Variants in C15orf40 observed in about 807,000 individuals in gnomAD.
C15orf40 encodes the protein UPF0235 protein C15orf40.
In C15orf40, 9 loss-of-function variants were observed where a neutral mutation model predicts 13.9. The observed-to-expected ratio is 0.65, with a 90% confidence interval of 0.39 to 1.13. The LOEUF is 1.13. Among genes scored for constraint, C15orf40 ranks in the 50% most tolerant of loss-of-function variants. The probability of loss-of-function intolerance (pLI) is 0.01; values close to 1 mark genes in which losing one functional copy is unlikely to be tolerated. For synonymous variants in C15orf40, 95 were observed against 69.2 expected, an observed-to-expected ratio of 1.37 and a Z score of -1.85; for missense variants, 225 against 188.5, an observed-to-expected ratio of 1.19 and a Z score of -1.13.
At position 83,007,486 on chromosome 15, in the gene C15orf40, T is replaced by C. The variant is rs116141884; in HGVS notation, c.366+1062A>G. ...CATGAAGGAGACTAAATAGGAAGAA[T>C]TGACAGATTTATGCAATTAAGTAAA... On this transcript the variant is annotated intron_variant, in intron 3 of 3. Transcript: ENST00000304177. Among the ~76,000 whole-genome samples the C allele has an allele frequency of 4.0e-3, 613 of 152,298 alleles. 3 individuals are homozygous for C. Among genetic ancestry groups the C allele is most frequent in the African/African-American group, 0.01 (422 of 41,554 alleles).
In C15orf40 at chr15:83,008,562, C is replaced by A; in HGVS notation, c.352G>T (p.Val118Leu). ...GCGAGACCTACCTTATCCAAAACCA[C>A]ATCACTCTTCCTGAGTTCTAGGACC... ...SKVLELRKSD[V>L]VLDKGGKSRE... The change falls in exon 3 of 4, where the codon GTG becomes TTG. Residue 118 changes from valine to leucine, a missense_variant. Physicochemically the swap from Val to Leu is conservative, Grantham distance 32. Coordinates refer to ENST00000304177, the MANE Select transcript of C15orf40 (RefSeq NM_144597.3). 1 of 1,613,452 alleles carries A rather than the reference C, an allele frequency of 6.2e-7. No homozygotes were observed. The highest frequency in any genetic ancestry group is 8.5e-7 in the Non-Finnish European group (1 of 1,179,768).
In C15orf40 at chr15:83,004,774, G is replaced by C; in HGVS notation, c.*823C>G. On this transcript the variant is annotated 3_prime_UTR_variant, in exon 4 of 4. Transcript: ENST00000304177. The stretch of plus-strand genomic sequence containing the variant: ...TTTAAATAAGCATTTAAAAATCTAA[G>C]GTAAGACTACAAAGCAGCATAACAG... The C allele has an allele frequency of 1.9e-6, 2 of 1,047,690 alleles. No individual in the cohort carries two copies. The highest frequency in any genetic ancestry group is 2.7e-4 in the Middle Eastern group (1 of 3,700). The allele number at this position is 1,047,690 out of a possible 1,614,324, so 64.9% of individuals were successfully genotyped here.
At position 82,997,095 on chromosome 15, in the gene C15orf40, T is replaced by C. The variant is rs2031126155; in HGVS notation, c.*8502A>G. 2 of 149,910 alleles carry C rather than the reference T, an allele frequency of 1.3e-5. No individual in the cohort carries two copies. Among genetic ancestry groups the C allele is most frequent in the African/African-American group, 4.9e-5 (2 of 41,104 alleles). 9.3% of individuals were successfully genotyped at this position (149,910 alleles called of 1,614,324 possible). On this transcript the variant is annotated 3_prime_UTR_variant, in exon 4 of 4. Transcript: ENST00000304177. ...TATAGCTGTTATTTTCCTGTCTTTA[T>C]TCACTGTTCTCTATCTTGCCTTCTA...
chr15:82,990,751 T>G, downstream of C15orf40: 1 of 1,064,608 alleles, frequency 9.4e-7, no homozygotes, highest in Non-Finnish European at 1.4e-6. Context: ...ACTAAAGCTT[T>G]TTGCTAACAA....
downstream of C15orf40, chr15:82,990,543 CT>C (rs397854504): frequency 0.17 from 110,126 of 660,400 alleles, 1 homozygote; most frequent in East Asian, 0.19. Context: ...AAAACAATTG[CT>C]TTTTTTTTTT....
Position 83,005,664 on chromosome 15 carries a change from T to G in C15orf40, c.395A>C (p.Lys132Thr). The change falls in exon 4 of 4, where the codon AAG becomes ACG. Residue 132 changes from lysine to threonine, a missense_variant. Coordinates refer to ENST00000304177, the MANE Select transcript of C15orf40 (RefSeq NM_144597.3). Reference protein sequence around the residue: ...KGGKSREKVVKLLASTTPEEI... With the variant: ...KGGKSREKVVTLLASTTPEEI... ...TTCTGGAGTTGTAGAAGCCAAAAGCTTCACCACCTTTTCACGAGATTTACC... is the reference window on the plus strand; with the variant it reads ...TTCTGGAGTTGTAGAAGCCAAAAGCGTCACCACCTTTTCACGAGATTTACC... 1 of 1,612,700 alleles carries G rather than the reference T, an allele frequency of 6.2e-7. No homozygotes were observed. Among genetic ancestry groups the G allele is most frequent in the Middle Eastern group, 1.7e-4 (1 of 6,056 alleles).
At chr15:82,993,333 T>C (rs111369223), downstream of C15orf40, among the ~76,000 whole-genome samples, 7,124 of 152,270 alleles carry the variant, frequency 0.047, 235 homozygotes, top group Non-Finnish European at 0.071. Context: ...AAGCGTAGTG[T>C]TGACATAAAG....
intron 2 of C15orf40, among the ~76,000 whole-genome samples, chr15:83,009,784 T>C (rs1331272834): frequency 6.6e-6 from 1 of 152,212 alleles, no homozygotes; most frequent in African/African-American, 2.4e-5. Context: ...ACTGGACCCA[T>C]GAATGTTTTA....
intron 3 of C15orf40, among the ~76,000 whole-genome samples, 163 bp from the exon 4 acceptor site, chr15:83,005,855 T>C (rs1243503310): frequency 6.6e-6 from 1 of 152,222 alleles, no homozygotes; most frequent in Non-Finnish European, 1.5e-5. Context: ...TACCATTTGT[T>C]ACTAAACATT....
intron 3 of C15orf40, chr15:83,007,794 A>G: frequency 6.6e-6 from 1 of 152,448 alleles, no homozygotes; most frequent in Non-Finnish European, 1.5e-5. Flanking sequence ...GGGAGGCCTG[A>G]GGCTGAAGAA....
intron 2 of C15orf40, among the ~76,000 whole-genome samples, chr15:83,009,575 T>G (rs534007318): frequency 6.6e-5 from 10 of 152,324 alleles, no homozygotes; most frequent in African/African-American, 2.2e-4. Context: ...TTTTTGAACT[T>G]TTTTTCCTTT....
rs2031392198 is a variant in C15orf40 at position 83,000,947 on chromosome 15, G to C, written c.*4650C>G. ...CAGGCCTCAGCCTCCCAAGTAGCTGGGACTACAGGCATGCATTGCCATGCC... is the reference window on the plus strand; with the variant it reads ...CAGGCCTCAGCCTCCCAAGTAGCTGCGACTACAGGCATGCATTGCCATGCC... On this transcript the variant is annotated 3_prime_UTR_variant, in exon 4 of 4. Coordinates refer to ENST00000304177, the MANE Select transcript of C15orf40 (RefSeq NM_144597.3). The C allele has an allele frequency of 4.5e-6, 1 of 220,798 alleles. No individual in the cohort carries two copies. Among genetic ancestry groups the C allele is most frequent in the Admixed American group, 6.5e-5 (1 of 15,352 alleles). The allele number at this position is 220,798 out of a possible 1,614,324, so 13.7% of individuals were successfully genotyped here.
chr15:83,010,982 G>T (rs1380157021), intron 1 of C15orf40: 2 of 155,518 alleles, frequency 1.3e-5, no homozygotes, highest in African/African-American at 2.4e-5. Flanking sequence ...TACCCCACAG[G>T]CAAATCAGCA....
chr15:83,002,317 A>T lies in C15orf40; in HGVS notation c.*3280T>A, dbSNP rs991015772. On this transcript the variant is annotated 3_prime_UTR_variant, in exon 4 of 4. Coordinates refer to ENST00000304177, the MANE Select transcript of C15orf40 (RefSeq NM_144597.3). ...TAGGCAAAATGTTCCCACGTTTAAA[A>T]TATCACCGTTTAAAATGAAGTAAAT... 2.0e-5 allele frequency: 3 copies of T among 152,274 alleles called. No individual in the cohort carries two copies. Among genetic ancestry groups the T allele is most frequent in the Non-Finnish European group, 1.5e-5 (1 of 68,046 alleles). The allele number at this position is 152,274 out of a possible 1,614,324, so 9.4% of individuals were successfully genotyped here.
At chr15:83,005,844 C>T in intron 3 of C15orf40, 152 bp from the exon 4 acceptor site, 5 of 1,221,618 alleles carry the variant, frequency 4.1e-6, no homozygotes, top group Non-Finnish European at 5.3e-6. Context: ...TTCTTCCTTA[C>T]TACCATTTGT....
chr15:83,006,690 C>T (rs2031701249), intron 3 of C15orf40, among the ~76,000 whole-genome samples: 2 of 152,102 alleles, frequency 1.3e-5, no homozygotes, highest in Admixed American at 1.3e-4. Flanking sequence ...AGGGGCGGGG[C>T]GCGGGGCGGA....
In C15orf40 at chr15:83,001,061, C is replaced by T; in HGVS notation, c.*4536G>A. 2.1e-6 allele frequency: 2 copies of T among 963,644 alleles called. No homozygotes were observed. The highest frequency in any genetic ancestry group is 2.5e-6 in the Non-Finnish European group (2 of 810,088). The allele number at this position is 963,644 out of a possible 1,614,324, so 59.7% of individuals were successfully genotyped here. A position where few individuals can be genotyped will look rare whatever the true frequency, so the allele number is the denominator to read the frequency against. On this transcript the variant is annotated 3_prime_UTR_variant, in exon 4 of 4. Transcript: ENST00000304177. ...CTCCTGACTTCAAGTGATCCACCCG[C>T]CTCAGCCTCCCAAAGTGCTGGGATT...
chr15:83,009,601 A>G (rs1001959809), intron 2 of C15orf40, among the ~76,000 whole-genome samples: 2 of 152,260 alleles, frequency 1.3e-5, no homozygotes, highest in African/African-American at 2.4e-5. Context: ...CCCTTCCCCC[A>G]ATTTTCTCCA....
At position 82,998,272 on chromosome 15, in the gene C15orf40, C is replaced by G. The variant is rs1458386597; in HGVS notation, c.*7325G>C. The stretch of plus-strand genomic sequence containing the variant: ...GTGGCTGGCCGGGCGGGGGACTGAC[C>G]CCCCCCCACCTCCCTCCCGGACGGG... On this transcript the variant is annotated 3_prime_UTR_variant, in exon 4 of 4. Coordinates refer to ENST00000304177, the MANE Select transcript of C15orf40 (RefSeq NM_144597.3). The G allele has an allele frequency of 8.9e-5, 12 of 134,456 alleles. No homozygotes were observed. Among genetic ancestry groups the G allele is most frequent in the Non-Finnish European group, 1.7e-4 (12 of 69,252 alleles). 8.3% of individuals were successfully genotyped at this position (134,456 alleles called of 1,614,324 possible). A position where few individuals can be genotyped will look rare whatever the true frequency, so the allele number is the denominator to read the frequency against.
Sources: allele counts gnomAD v4.1 joint callset (sites outside exome capture counted in the v4.1 genomes callset), GRCh38; gene constraint gnomAD v4.1.1; transcripts MANE v1.5; gene names NCBI Gene and HGNC (gene_info 2026-07-23, HGNC 2026-07-21).